PMS1: variants seen among roughly 807,000 people sequenced by gnomAD.
PMS1 encodes PMS1 homolog 1, mismatch repair system component.
Under a neutral mutation model 93.1 loss-of-function variants are expected in PMS1, and 79 were observed. The observed-to-expected ratio is 0.85, with a 90% CI of 0.71 to 1.02. The LOEUF is 1.02. PMS1 is among the 50% of genes least tolerant of loss of function. The pLI is 0.00. For synonymous variants in PMS1, 335 were observed against 363.4 expected, an observed-to-expected ratio of 0.92 and a Z score of 0.89; for missense variants, 1,064 against 1,085.3, an observed-to-expected ratio of 0.98 and a Z score of 0.28.
At chr2:189,833,712 A>C (rs2053153333) in intron 5 of PMS1, among the ~76,000 whole-genome samples, 1 of 152,176 alleles carries the variant, frequency 6.6e-6, no homozygotes, top group African/African-American at 2.4e-5. Context: ...TAAAAACCTG[A>C]ACCCCCCCTA....
At chr2:189,821,102 T>C (rs1229966267) in intron 5 of PMS1, among the ~76,000 whole-genome samples, 1 of 151,668 alleles carries the variant, frequency 6.6e-6, no homozygotes, top group Non-Finnish European at 1.5e-5. Context: ...ACATAATAAT[T>C]AGGAAGGAAA....
chr2:189,846,085 G>T (rs1389219225), intron 6 of PMS1, among the ~76,000 whole-genome samples: 3 of 152,132 alleles, frequency 2.0e-5, no homozygotes, highest in Non-Finnish European at 2.9e-5. Flanking sequence ...GGACATGAGA[G>T]GTAATTTTTC....
chr2:189,877,216 A>G (rs2057651048), intron 12 of PMS1, 56 bp from the exon 13 acceptor site: 2 of 1,406,990 alleles, frequency 1.4e-6, no homozygotes, highest in Non-Finnish European at 2.0e-6. Flanking sequence ...CCAGGATAAC[A>G]TGTTTTCAGC....
chr2:189,792,688 A>AATATATAT (rs3067428), intron 2 of PMS1, among the ~76,000 whole-genome samples: 4,476 of 126,938 alleles, frequency 0.035, 93 homozygotes, highest in Middle Eastern at 0.054. Context: ...TATGGACACA[A>AATATATAT]ATATATATAT....
At chr2:189,794,194 C>T (rs958259104) in intron 2 of PMS1, among the ~76,000 whole-genome samples, 5 of 152,184 alleles carry the variant, frequency 3.3e-5, no homozygotes, top group Admixed American at 3.3e-4. Context: ...CTCACTGTAA[C>T]CTCCGTCTCC....
chr2:189,816,712 GT>G (rs1313060342), intron 4 of PMS1, among the ~76,000 whole-genome samples: 1 of 152,044 alleles, frequency 6.6e-6, no homozygotes, highest in Non-Finnish European at 1.5e-5. Context: ...TTACACTACA[GT>G]TTCAAAGTCT....
chr2:189,825,847 T>TTTGTTG (rs5743055), intron 5 of PMS1, among the ~76,000 whole-genome samples: 1 of 152,100 alleles, frequency 6.6e-6, no homozygotes, highest in African/African-American at 2.4e-5. Flanking sequence ...TGTCTTTGTT[T>TTTGTTG]TTGTTGTTGT....
intron 12 of PMS1, among the ~76,000 whole-genome samples, chr2:189,875,881 C>T (rs916569801): frequency 7.0e-6 from 1 of 143,104 alleles, no homozygotes; most frequent in African/African-American, 2.7e-5. Flanking sequence ...TGCTTGAACC[C>T]AGGAGGTGGA....
At position 189,791,861 on chromosome 2, in the gene PMS1, A is replaced by G. The variant is rs2106212892; in HGVS notation, c.52A>G (p.Ile18Val). 8 of 1,613,880 alleles carry G rather than the reference A, an allele frequency of 5.0e-6. No individual in the cohort carries two copies. The highest frequency in any genetic ancestry group is 6.8e-6 in the Non-Finnish European group (8 of 1,179,728). Residue 18 changes from isoleucine to valine, a missense_variant, in exon 2 of 13, where the codon ATC becomes GTC. Physicochemically the swap from Ile to Val is conservative, Grantham distance 29. Coordinates refer to ENST00000441310, the MANE Select transcript of PMS1 (RefSeq NM_000534.5). ...TCGACTCCTTTCAAGTTCTCAGATC[A>G]TCACTTCGGTGGTCAGTGTTGTAAA... is the stretch of plus-strand genomic sequence containing the variant. ...TVRLLSSSQI[I>V]TSVVSVVKEL...
intron 9 of PMS1, among the ~76,000 whole-genome samples, 153 bp downstream of exon 9, chr2:189,855,281 CT>C (rs1004819399): frequency 3.3e-5 from 5 of 149,712 alleles, no homozygotes; most frequent in Middle Eastern, 3.5e-3. Context: ...TTTGGTAACA[CT>C]TTTTTTTTCT....
At chr2:189,870,197 A>T (rs963896965) in intron 11 of PMS1, among the ~76,000 whole-genome samples, 6 of 152,028 alleles carry the variant, frequency 3.9e-5, no homozygotes, top group Non-Finnish European at 8.8e-5. Flanking sequence ...TTTTCTTAAC[A>T]GTTCTGTCTT....
chr2:189,830,441 C>T (rs1014392562), intron 5 of PMS1, among the ~76,000 whole-genome samples: 6 of 152,150 alleles, frequency 3.9e-5, no homozygotes, highest in Admixed American at 1.3e-4. Flanking sequence ...AAACTTTCTC[C>T]GTGAGGCTTT....
At chr2:189,826,927 T>C (rs902667670) in intron 5 of PMS1, among the ~76,000 whole-genome samples, 4 of 152,218 alleles carry the variant, frequency 2.6e-5, no homozygotes, top group Non-Finnish European at 4.4e-5. Flanking sequence ...TTATTCATAA[T>C]ATTTATTAAT....
chr2:189,818,168 T>G lies in PMS1; in HGVS notation c.570T>G (p.Phe190Leu), dbSNP rs2051491934. 1 of 1,590,400 alleles carries G rather than the reference T, an allele frequency of 6.3e-7. No individual in the cohort carries two copies. The highest frequency in any genetic ancestry group is 1.7e-5 in the Admixed American group (1 of 59,920). ...TTAAACCTGACTTAAGGATTGTCTT[T>G]GTACATAACAAGGTAAACATTATTT... ...GILKPDLRIV[F>L]VHNKAVIWQK... The change falls in exon 5 of 13, where the codon TTT (phenylalanine) becomes TTG (leucine). Residue 190 changes from phenylalanine (F) to leucine (L), a missense_variant. Phe to Leu is a conservative substitution (Grantham distance 22). Transcript: ENST00000441310.
At chr2:189,846,570 T>C (rs937919452) in intron 6 of PMS1, among the ~76,000 whole-genome samples, 1 of 151,554 alleles carries the variant, frequency 6.6e-6, no homozygotes, top group Non-Finnish European at 1.5e-5. Context: ...TCCCAGCTAC[T>C]TGGGAGGCTG....
At chr2:189,838,130 T>A (rs944023701) in intron 5 of PMS1, among the ~76,000 whole-genome samples, 14 of 152,214 alleles carry the variant, frequency 9.2e-5, no homozygotes, top group Non-Finnish European at 2.9e-5. Context: ...ATTATAAATC[T>A]AAAGTGGGTG....
chr2:189,812,395 C>T (rs1411967475), intron 4 of PMS1, among the ~76,000 whole-genome samples: 1 of 152,074 alleles, frequency 6.6e-6, no homozygotes, highest in African/African-American at 2.4e-5. Flanking sequence ...CAATTTCATA[C>T]AAATAAAACA....
Position 189,839,143 on chromosome 2 carries a change from C to G in PMS1, c.583-4821C>G, listed in dbSNP as rs2053621768. Among the ~76,000 whole-genome samples, 4 of 152,114 alleles carry G rather than the reference C, an allele frequency of 2.6e-5. No individual in the cohort carries two copies. In the South Asian group the frequency reaches 8.3e-4, roughly 32 times the overall value. On this transcript the variant is annotated intron_variant, in intron 5 of 12. Coordinates refer to ENST00000441310, the MANE Select transcript of PMS1 (RefSeq NM_000534.5). ...AGTAGCTAGGATTATGGGTGCCCGC[C>G]ACCATGCCTGGATAATTTTTTTGTT...
At chr2:189,819,248 A>G (rs1455521731) in intron 5 of PMS1, among the ~76,000 whole-genome samples, 1 of 152,208 alleles carries the variant, frequency 6.6e-6, no homozygotes, top group African/African-American at 2.4e-5. Context: ...ATAGTATTCC[A>G]CTGTGTATAC....
Sources: allele counts gnomAD v4.1 joint callset (sites outside exome capture counted in the v4.1 genomes callset), GRCh38; gene constraint gnomAD v4.1.1; transcripts MANE v1.5; gene names NCBI Gene and HGNC (gene_info 2026-07-23, HGNC 2026-07-21).